Variants in PTPRD observed in about 807,000 individuals in gnomAD.
PTPRD encodes the protein receptor-type tyrosine-protein phosphatase delta.
Under a neutral mutation model 214.5 loss-of-function variants are expected in PTPRD, and 34 were observed. That is an observed-to-expected ratio of 0.16 (90% CI 0.12 to 0.21). The LOEUF is 0.21. Among genes scored for constraint, PTPRD ranks in the 10% least tolerant of loss-of-function variants. The pLI is 1.00. For missense variants in PTPRD, 2,545 were observed against 2,398.7 expected (o/e 1.06, Z -1.27); for synonymous variants, 1,128 against 845.7 (o/e 1.33, Z -5.79).
At chr9:9,417,793 T>G (rs2077427342) in intron 8 of PTPRD, among the ~76,000 whole-genome samples, 1 of 152,094 alleles carries the variant, frequency 6.6e-6, no homozygotes, top group South Asian at 2.1e-4. Flanking sequence ...CTTGCCAATT[T>G]TTAAGACTTT....
chr9:9,855,266 G>T (rs750169432), intron 5 of PTPRD, among the ~76,000 whole-genome samples: 13 of 152,122 alleles, frequency 8.5e-5, no homozygotes, highest in Non-Finnish European at 1.8e-4. Flanking sequence ...AAAGCCAAAG[G>T]ATCTATGACT....
intron 9 of PTPRD, among the ~76,000 whole-genome samples, chr9:9,190,759 A>C (rs1482272049): frequency 6.6e-6 from 1 of 152,138 alleles, no homozygotes; most frequent in East Asian, 1.9e-4. Flanking sequence ...CTATGATATC[A>C]ACCCATGATA....
intron 12 of PTPRD, among the ~76,000 whole-genome samples, chr9:8,638,608 G>C (rs145775798): frequency 3.7e-4 from 56 of 152,270 alleles, no homozygotes; most frequent in African/African-American, 1.3e-3. Context: ...GTTCAGAAGA[G>C]GCATATTTGC....
intron 37 of PTPRD, among the ~76,000 whole-genome samples, chr9:8,377,535 G>A (rs974440723): frequency 6.6e-6 from 1 of 151,988 alleles, no homozygotes; most frequent in Non-Finnish European, 1.5e-5. Flanking sequence ...ATAATGAAAA[G>A]TAACAAACAC....
chr9:10,432,768 CCAGGGTCTCCCTTCTT>C (rs1369362453), intron 2 of PTPRD, among the ~76,000 whole-genome samples: 1 of 151,968 alleles, frequency 6.6e-6, no homozygotes, highest in African/African-American at 2.4e-5. Context: ...CTTCTATGCT[CCAGGGTCTCCCTTCTT>C]CACTCACATC....
At position 9,864,565 on chromosome 9, in the gene PTPRD, C is replaced by A. The variant is rs530737677; in HGVS notation, c.-368+73942G>T. 6.2e-4 allele frequency among the ~76,000 whole-genome samples: 95 copies of A among 152,196 alleles called. No homozygotes were observed. In the South Asian group the frequency reaches 0.019, roughly 31 times the overall value. On this transcript the variant is annotated intron_variant, in intron 5 of 45. Coordinates refer to ENST00000381196, the MANE Select transcript of PTPRD (RefSeq NM_002839.4). ...GCACGGTCTCACTCTGTTACCCTGA[C>A]TGGAGTGCAGTGGCATGAACATGGC... is the stretch of plus-strand genomic sequence containing the variant.
At chr9:10,326,359 T>A (rs1364336379) in intron 3 of PTPRD, among the ~76,000 whole-genome samples, 1 of 151,788 alleles carries the variant, frequency 6.6e-6, no homozygotes, top group African/African-American at 2.4e-5. Context: ...ATTACTTTGA[T>A]ATTCTTTGTG....
At chr9:9,256,309 T>C (rs536888698) in intron 9 of PTPRD, among the ~76,000 whole-genome samples, 3 of 151,996 alleles carry the variant, frequency 2.0e-5, no homozygotes, top group Non-Finnish European at 4.4e-5. Context: ...TCTGAAAATA[T>C]ATACAAATCA....
intron 9 of PTPRD, among the ~76,000 whole-genome samples, chr9:9,397,237 T>C (rs1237528066): frequency 6.6e-6 from 1 of 151,942 alleles, no homozygotes; most frequent in East Asian, 1.9e-4. Flanking sequence ...TTTGTGAAAA[T>C]AAACATCTCT....
intron 7 of PTPRD, among the ~76,000 whole-genome samples, chr9:9,636,028 T>A (rs2095755153): frequency 1.3e-5 from 2 of 152,306 alleles, no homozygotes; most frequent in South Asian, 4.1e-4. Context: ...TCCAGCTTCA[T>A]CTAAATGCAA....
chr9:9,550,558 A>G (rs763895461), intron 8 of PTPRD, among the ~76,000 whole-genome samples: 1 of 149,354 alleles, frequency 6.7e-6, no homozygotes, highest in Non-Finnish European at 1.5e-5. Flanking sequence ...ATATTATATA[A>G]TGTTAATATA....
intron 5 of PTPRD, among the ~76,000 whole-genome samples, chr9:9,848,849 T>C (rs1240724984): frequency 6.6e-6 from 1 of 152,074 alleles, no homozygotes; most frequent in Non-Finnish European, 1.5e-5. Context: ...GCCTAAGTAT[T>C]AAATGTAAAT....
intron 24 of PTPRD, among the ~76,000 whole-genome samples, chr9:8,500,503 G>A (rs529647362): frequency 8.0e-6 from 1 of 124,728 alleles, no homozygotes; most frequent in African/African-American, 3.0e-5. Flanking sequence ...AAGACCATAG[G>A]AGCCAACAGT....
At chr9:8,390,189 T>C (rs1014302146) in intron 36 of PTPRD, among the ~76,000 whole-genome samples, 1 of 152,100 alleles carries the variant, frequency 6.6e-6, no homozygotes, top group African/African-American at 2.4e-5. Flanking sequence ...TTTTAAGAAA[T>C]TTATTTCAGA....
At chr9:9,326,462 AT>A (rs2039941807) in intron 9 of PTPRD, among the ~76,000 whole-genome samples, 1 of 152,132 alleles carries the variant, frequency 6.6e-6, no homozygotes, top group African/African-American at 2.4e-5. Flanking sequence ...GAAAACAGAG[AT>A]TCAGAGACAT....
chr9:9,169,667 G>A (rs765814901), intron 10 of PTPRD, among the ~76,000 whole-genome samples: 5 of 152,050 alleles, frequency 3.3e-5, no homozygotes, highest in African/African-American at 9.7e-5. Flanking sequence ...AGATTCTTCT[G>A]TATTTTGCTT....
rs147303806 is a variant in PTPRD, at chr9:9,759,714, C to T, written c.-326+7096G>A. ...CTGAGATTACAGGTGCCCACCAATA[C>T]GCCCAACTAACTTTTTTTATTTTTA... is the stretch of plus-strand genomic sequence containing the variant. On this transcript the variant is annotated intron_variant, in intron 6 of 45. Coordinates refer to ENST00000381196, the MANE Select transcript of PTPRD (RefSeq NM_002839.4). 2.2e-4 allele frequency among the ~76,000 whole-genome samples: 34 copies of T among 151,928 alleles called. No homozygotes were observed. In the East Asian group the frequency reaches 5.2e-3, roughly 23 times the overall value.
intron 6 of PTPRD, among the ~76,000 whole-genome samples, chr9:9,740,133 T>C (rs1005669017): frequency 1.3e-5 from 2 of 152,200 alleles, no homozygotes; most frequent in Non-Finnish European, 2.9e-5. Flanking sequence ...TAAAATTATA[T>C]ACATAAATTA....
intron 10 of PTPRD, among the ~76,000 whole-genome samples, chr9:9,033,118 T>C (rs1223738763): frequency 3.3e-5 from 5 of 152,282 alleles, no homozygotes; most frequent in Non-Finnish European, 5.9e-5. Context: ...TTTCCCTCTG[T>C]TCTCCCTTGA....
Sources: gnomAD v4.1 joint callset for allele counts (sites outside exome capture counted in the v4.1 genomes callset) on GRCh38, gnomAD v4.1.1 for gene constraint, MANE v1.5 for transcripts, NCBI Gene and HGNC (gene_info 2026-07-23, HGNC 2026-07-21) for gene names.